Variants in KCNIP4 observed in about 807,000 individuals in gnomAD.
KCNIP4 encodes the protein Kv channel-interacting protein 4.
In KCNIP4, 12 loss-of-function variants were observed where a neutral mutation model predicts 34.0. That is an observed-to-expected ratio of 0.35 (90% CI 0.23 to 0.57). KCNIP4 has a LOEUF of 0.57. Ranked by LOEUF, KCNIP4 falls within the 20% of genes least tolerant of loss-of-function variation. The probability of loss-of-function intolerance (pLI) is 0.83; values close to 1 mark genes in which losing one functional copy is unlikely to be tolerated. For missense variants in KCNIP4, 238 were observed against 311.7 expected (o/e 0.76, Z 1.78); for synonymous variants, 124 against 102.2 (o/e 1.21, Z -1.29).
intron 1 of KCNIP4, among the ~76,000 whole-genome samples, chr4:20,904,050 A>G (rs900892805): frequency 3.3e-5 from 5 of 152,086 alleles, no homozygotes; most frequent in Admixed American, 3.3e-4. Context: ...TTACCCACTG[A>G]GCTAATTTTC....
chr4:20,743,045 T>C (rs1751543921), intron 5 of KCNIP4, among the ~76,000 whole-genome samples: 1 of 151,712 alleles, frequency 6.6e-6, no homozygotes, highest in Non-Finnish European at 1.5e-5. Flanking sequence ...GAAGGACCCT[T>C]ATAAGGGTGT....
chr4:21,484,744 C>G (rs1327031748), intron 1 of KCNIP4, among the ~76,000 whole-genome samples: 3 of 152,160 alleles, frequency 2.0e-5, no homozygotes, highest in Non-Finnish European at 2.9e-5. Flanking sequence ...GCACATACAA[C>G]AAGGTAAAAC....
chr4:21,365,913 A>G (rs2109421737), intron 1 of KCNIP4, among the ~76,000 whole-genome samples: 1 of 152,344 alleles, frequency 6.6e-6, no homozygotes, highest in South Asian at 2.1e-4. Context: ...TTTTTTATGC[A>G]GATTGTTCTG....
rs373924387 is a variant in KCNIP4 at position 21,686,918 on chromosome 4, C to T, written c.61+261653G>A. On this transcript the variant is annotated intron_variant, in intron 1 of 8. Transcript: ENST00000382152. ...ACAATAGCAAAGACTTGGAACCAAC[C>T]CAAATGTCCAACAATGATAGACTGG... is the stretch of plus-strand genomic sequence containing the variant. Among the ~76,000 whole-genome samples the T allele has an allele frequency of 1.4e-3, 211 of 149,636 alleles. 1 individual carries two copies. The highest frequency in any genetic ancestry group is 5.1e-3 in the African/African-American group (207 of 40,616).
chr4:21,947,756 A>C (rs1208661941), intron 1 of KCNIP4, among the ~76,000 whole-genome samples: 2 of 152,140 alleles, frequency 1.3e-5, no homozygotes, highest in African/African-American at 2.4e-5. Flanking sequence ...CATGTGCCCC[A>C]AAATCACTTC....
chr4:21,708,014 A>G lies in KCNIP4; in HGVS notation c.61+240557T>C, dbSNP rs368339591. 8.6e-5 allele frequency among the ~76,000 whole-genome samples: 13 copies of G among 151,938 alleles called. No individual in the cohort carries two copies. In the East Asian group the frequency reaches 1.7e-3, roughly 20 times the overall value. On this transcript the variant is annotated intron_variant, in intron 1 of 8. Coordinates refer to ENST00000382152, the MANE Select transcript of KCNIP4 (RefSeq NM_025221.6). Reference sequence around the variant, plus strand: ...CATATACAAAATCAACTTATGAGAAATTCTCTTTTTCCCACTCTTTGGTGG... The same window carrying G: ...CATATACAAAATCAACTTATGAGAAGTTCTCTTTTTCCCACTCTTTGGTGG...
At chr4:21,065,493 T>A (rs1238510510) in intron 1 of KCNIP4, among the ~76,000 whole-genome samples, 1 of 152,010 alleles carries the variant, frequency 6.6e-6, no homozygotes, top group Non-Finnish European at 1.5e-5. Flanking sequence ...ACTAAAAAAA[T>A]CATATTTAAT....
At chr4:21,456,402 T>G (rs953458939) in intron 1 of KCNIP4, among the ~76,000 whole-genome samples, 1 of 148,032 alleles carries the variant, frequency 6.8e-6, no homozygotes, top group Non-Finnish European at 1.5e-5. Context: ...TGGCTGTTAC[T>G]CATAATTAGG....
intron 1 of KCNIP4, among the ~76,000 whole-genome samples, chr4:21,676,838 TAAA>T (rs578062666): frequency 3.9e-5 from 6 of 152,168 alleles, no homozygotes; most frequent in Non-Finnish European, 8.8e-5. Context: ...AGTATGTCTT[TAAA>T]TATATCAGAT....
At chr4:20,893,532 C>G (rs950031143) in intron 1 of KCNIP4, among the ~76,000 whole-genome samples, 1 of 152,058 alleles carries the variant, frequency 6.6e-6, no homozygotes, top group Non-Finnish European at 1.5e-5. Context: ...AAGTGATCCT[C>G]CCGCCTCAGC....
chr4:21,361,957 C>T (rs1719273693), intron 1 of KCNIP4, among the ~76,000 whole-genome samples: 1 of 152,030 alleles, frequency 6.6e-6, no homozygotes, highest in Admixed American at 6.6e-5. Flanking sequence ...TAACCCGTCA[C>T]ACCGTCAGAG....
intron 1 of KCNIP4, among the ~76,000 whole-genome samples, chr4:21,730,465 G>A (rs116183527): frequency 3.3e-5 from 5 of 152,280 alleles, no homozygotes; most frequent in East Asian, 3.9e-4. Flanking sequence ...GCAGGTAAGC[G>A]AGCTGCTTAC....
intron 1 of KCNIP4, among the ~76,000 whole-genome samples, chr4:21,341,557 T>G (rs1716765741): frequency 7.4e-6 from 1 of 135,424 alleles, no homozygotes; most frequent in Admixed American, 7.8e-5. Flanking sequence ...TTTCCTTTCA[T>G]TAACAATTCT....
intron 1 of KCNIP4, among the ~76,000 whole-genome samples, chr4:21,339,685 T>C (rs16870867): frequency 0.025 from 3,874 of 152,228 alleles, 198 homozygotes; most frequent in East Asian, 0.2. Context: ...TTTCAAGATC[T>C]CCTATGATTT....
At chr4:21,556,931 A>AAAAAAAAAAAAAAAACAAAAAAAAAC (rs1560514270) in intron 1 of KCNIP4, among the ~76,000 whole-genome samples, 1 of 134,190 alleles carries the variant, frequency 7.5e-6, no homozygotes, top group Admixed American at 7.5e-5. Flanking sequence ...AGAAAAAAAA[A>AAAAAAAAAAAAAAAACAAAAAAAAAC]AAAAAAAAAA....
rs188191706 is a variant in KCNIP4, at chr4:21,446,113, G to C, written c.61+502458C>G. 7.9e-3 allele frequency among the ~76,000 whole-genome samples: 1,200 copies of C among 152,224 alleles called. 54 individuals are homozygous for C. Among genetic ancestry groups the C allele is most frequent in the Admixed American group, 0.071 (1,089 of 15,288 alleles). On this transcript the variant is annotated intron_variant, in intron 1 of 8. Coordinates refer to ENST00000382152, the MANE Select transcript of KCNIP4 (RefSeq NM_025221.6). ...CGGTTAGAATGGCGATCATTAAAAC[G>C]TCAGGAAACAACAGGTGCTGGAGAG...
At chr4:21,492,764 G>C (rs1311808065) in intron 1 of KCNIP4, among the ~76,000 whole-genome samples, 1 of 152,136 alleles carries the variant, frequency 6.6e-6, no homozygotes, top group African/African-American at 2.4e-5. Context: ...TTATATTTTA[G>C]GAAAGAGTCT....
intron 1 of KCNIP4, among the ~76,000 whole-genome samples, chr4:20,950,905 C>G (rs992970855): frequency 6.6e-6 from 1 of 152,090 alleles, no homozygotes. Flanking sequence ...AAAATACGCT[C>G]TTTCACAGAA....
intron 1 of KCNIP4, among the ~76,000 whole-genome samples, chr4:21,247,820 T>TGGATATATATATATATATATATATATAC (rs1760377485): frequency 9.9e-6 from 1 of 101,176 alleles, no homozygotes; most frequent in African/African-American, 4.5e-5. Flanking sequence ...TATATATATA[T>TGGATATATATATATATATATATATATAC]ACACACACAC....
Sources: gnomAD v4.1 joint callset for allele counts (sites outside exome capture counted in the v4.1 genomes callset) on GRCh38, gnomAD v4.1.1 for gene constraint, MANE v1.5 for transcripts, NCBI Gene and HGNC (gene_info 2026-07-23, HGNC 2026-07-21) for gene names.